MIB1: variants seen among roughly 807,000 people sequenced by gnomAD.
MIB1 encodes the protein E3 ubiquitin-protein ligase MIB1.
MIB1 carries 278 observed loss-of-function variants against 124.5 expected under a neutral mutation model. The ratio of observed to expected loss-of-function variants is 2.23; its 90% CI spans 2.02 to 2.47. The LOEUF is 2.47. Among genes scored for constraint, MIB1 ranks in the 30% most tolerant of loss-of-function variants. The pLI is 0.00. For missense variants in MIB1, 957 were observed against 1,254.4 expected, an observed-to-expected ratio of 0.76 and a Z score of 3.58; for synonymous variants, 446 against 429.4, an observed-to-expected ratio of 1.04 and a Z score of -0.48.
intron 4 of MIB1, among the ~76,000 whole-genome samples, chr18:21,776,782 G>A (rs1450942342): frequency 2.0e-5 from 3 of 152,116 alleles, no homozygotes; most frequent in African/African-American, 7.2e-5. Context: ...TCAGGCGTTC[G>A]AGACCAGCCT....
At chr18:21,772,640 A>G (rs748360751) in intron 3 of MIB1, among the ~76,000 whole-genome samples, 3 of 152,188 alleles carry the variant, frequency 2.0e-5, no homozygotes, top group Non-Finnish European at 4.4e-5. Context: ...CTCAACCTGT[A>G]TGTGATTCTA....
chr18:21,739,329 C>T (rs760673124), upstream of MIB1, among the ~76,000 whole-genome samples: 1 of 152,128 alleles, frequency 6.6e-6, no homozygotes, highest in Non-Finnish European at 1.5e-5. Context: ...CAGGACCAGA[C>T]AGATTCACAG....
intron 1 of MIB1, among the ~76,000 whole-genome samples, chr18:21,710,218 C>G (rs1401857748): frequency 6.6e-6 from 1 of 151,866 alleles, no homozygotes; most frequent in African/African-American, 2.4e-5. Flanking sequence ...CCTTAGCCTC[C>G]CGAGTTAACT....
chr18:21,778,235 T>G, intron 5 of MIB1, 66 bp downstream of exon 5: 1 of 1,138,224 alleles, frequency 8.8e-7, no homozygotes, highest in Non-Finnish European at 1.3e-6. Context: ...AGTAAAATGC[T>G]TAAATTGGAT....
At chr18:21,803,258 TTAAC>T (rs1444672505) in intron 9 of MIB1, among the ~76,000 whole-genome samples, 1 of 152,228 alleles carries the variant, frequency 6.6e-6, no homozygotes, top group Non-Finnish European at 1.5e-5. Context: ...GCTACCATCT[TTAAC>T]TATCTTTAAT....
Position 21,741,408 on chromosome 18 carries a change from T to G in MIB1, c.-176T>G. 3.9e-6 allele frequency: 1 copy of G among 258,112 alleles called. No homozygotes were observed. Among genetic ancestry groups the G allele is most frequent in the Non-Finnish European group, 7.0e-6 (1 of 143,284 alleles). 16.0% of individuals were successfully genotyped at this position (258,112 alleles called of 1,614,324 possible). A position where few individuals can be genotyped will look rare whatever the true frequency, so the allele number is the denominator to read the frequency against. ...CGGCGGCGACAGCTGGGCAGCGGCT[T>G]TGGGCTCCGCGGGGACCGCGCCGCC... On this transcript the variant is annotated 5_prime_UTR_variant, in exon 1 of 21. Coordinates refer to ENST00000261537, the MANE Select transcript of MIB1 (RefSeq NM_020774.4). The surrounding 1 kb of genome is among the most constrained non-coding windows in gnomAD (Gnocchi z 5.4).
rs770666148 is a variant in MIB1 at position 21,849,202 on chromosome 18, A to G, written c.2400A>G (p.Gln800=). The part of the protein sequence containing the change: ...AKCHKEKVSG[Q]VGSRSPSMIS... ...AAATACTTTCTTTTATTAGTGGTCA[A>G]GTGGGTTCTCGGAGTCCTTCTATGA... Residue 800 remains glutamine, a synonymous_variant, in exon 17 of 21, where the codon CAA becomes CAG. Coordinates refer to ENST00000261537, the MANE Select transcript of MIB1 (RefSeq NM_020774.4). 17 of 1,552,532 alleles carry G rather than the reference A, an allele frequency of 1.1e-5. No individual in the cohort carries two copies. The Admixed American group carries it at 1.2e-4, about 11-fold the overall frequency.
intron 1 of MIB1, among the ~76,000 whole-genome samples, chr18:21,756,520 G>A (rs1057044602): frequency 3.3e-5 from 5 of 151,858 alleles, no homozygotes; most frequent in East Asian, 1.9e-4. Flanking sequence ...GCTGGAGTGC[G>A]GTGGTGCAAT....
intron 1 of MIB1, among the ~76,000 whole-genome samples, chr18:21,760,499 C>T (rs1203453947): frequency 1.3e-5 from 2 of 152,152 alleles, no homozygotes; most frequent in Non-Finnish European, 2.9e-5. Flanking sequence ...TGTTCAGTAG[C>T]TTTGTTGGCA....
In MIB1 at chr18:21,870,914, T is replaced by C. The variant is rs2042350256; in HGVS notation, c.*6248T>C. On this transcript the variant is annotated 3_prime_UTR_variant, in exon 21 of 21. Coordinates refer to ENST00000261537, the MANE Select transcript of MIB1 (RefSeq NM_020774.4). ...TTTCATGGCAATATTTTTTACTAAA[T>C]TGAAACTATAGGTTTTAAAAATAAA... 1.3e-5 allele frequency: 2 copies of C among 152,214 alleles called. No individual in the cohort carries two copies. Among genetic ancestry groups the C allele is most frequent in the Admixed American group, 6.5e-5 (1 of 15,276 alleles). The allele number at this position is 152,214 out of a possible 1,614,324, so 9.4% of individuals were successfully genotyped here. A position where few individuals can be genotyped will look rare whatever the true frequency, so the allele number is the denominator to read the frequency against.
intron 20 of MIB1, among the ~76,000 whole-genome samples, chr18:21,863,379 G>A (rs979481820): frequency 6.6e-6 from 1 of 152,214 alleles, no homozygotes; most frequent in African/African-American, 2.4e-5. Context: ...CTCTTGTCCA[G>A]TGTTCAAGAA....
chr18:21,843,984 T>A, intron 14 of MIB1, 108 bp from the exon 15 acceptor site: 1 of 982,314 alleles, frequency 1.0e-6, no homozygotes, highest in Non-Finnish European at 1.5e-6. Context: ...TTAGCTTTAG[T>A]GGTAACTTCT....
At chr18:21,711,574 C>T (rs376220399) in intron 1 of MIB1, among the ~76,000 whole-genome samples, 4 of 152,086 alleles carry the variant, frequency 2.6e-5, no homozygotes, top group South Asian at 2.1e-4. Context: ...TGAGCCACTG[C>T]GCCCAGCCAG....
chr18:21,858,406 C>T (rs1030558707), intron 19 of MIB1, 140 bp from the exon 20 acceptor site: 1 of 520,370 alleles, frequency 1.9e-6, no homozygotes, highest in Non-Finnish European at 3.5e-6. Context: ...TGTATGTTGT[C>T]CAAGTGTGAG....
rs969332273 is a variant in MIB1 at position 21,868,867 on chromosome 18, T to C, written c.*4201T>C. On this transcript the variant is annotated 3_prime_UTR_variant, in exon 21 of 21. Transcript: ENST00000261537. ...TACTACAGTGAGGGGGAATATCCTTTAGATTGAGCCTCAATTTACTGGTTA... is the reference window on the plus strand; with the variant it reads ...TACTACAGTGAGGGGGAATATCCTTCAGATTGAGCCTCAATTTACTGGTTA... 1 of 152,426 alleles carries C rather than the reference T, an allele frequency of 6.6e-6. No homozygotes were observed. Among genetic ancestry groups the C allele is most frequent in the Non-Finnish European group, 1.5e-5 (1 of 67,900 alleles). 9.4% of individuals were successfully genotyped at this position (152,426 alleles called of 1,614,324 possible).
At chr18:21,849,514 G>A (rs1022248750) in intron 17 of MIB1, 126 bp downstream of exon 17, 22 of 465,158 alleles carry the variant, frequency 4.7e-5, no homozygotes, top group Admixed American at 4.1e-5. Flanking sequence ...TTTAAATATA[G>A]GAATATATAA....
At chr18:21,786,163 C>T (rs983359171) in intron 6 of MIB1, among the ~76,000 whole-genome samples, 1 of 151,984 alleles carries the variant, frequency 6.6e-6, no homozygotes, top group Non-Finnish European at 1.5e-5. Flanking sequence ...GTGGCACGAT[C>T]TCGGCTCACT....
intron 12 of MIB1, among the ~76,000 whole-genome samples, chr18:21,832,354 A>T (rs913132903): frequency 6.6e-6 from 1 of 152,220 alleles, no homozygotes; most frequent in Non-Finnish European, 1.5e-5. Context: ...CTTTACACAG[A>T]TTGAAATAGT....
chr18:21,801,960 TTC>T (rs2041655228), intron 9 of MIB1, among the ~76,000 whole-genome samples: 1 of 152,184 alleles, frequency 6.6e-6, no homozygotes, highest in South Asian at 2.1e-4. Flanking sequence ...TTTCTACATT[TTC>T]TCTCTTTTTG....
Sources: allele counts gnomAD v4.1 joint callset (sites outside exome capture counted in the v4.1 genomes callset), GRCh38; gene constraint gnomAD v4.1.1; non-coding constraint Gnocchi (gnomAD v3.1); transcripts MANE v1.5; gene names NCBI Gene and HGNC (gene_info 2026-07-23, HGNC 2026-07-21).